Variants in AMMECR1 observed in about 807,000 individuals in gnomAD.
AMMECR1 encodes AMMECR nuclear protein 1, also known as nuclear protein AMMECR1.
AMMECR1 carries 3 observed loss-of-function variants against 22.5 expected under a neutral mutation model. The observed-to-expected ratio is 0.13, with a 90% CI of 0.06 to 0.35. The LOEUF (loss-of-function observed/expected upper bound fraction) is 0.35. Among genes scored for constraint, AMMECR1 ranks in the 10% least tolerant of loss-of-function variants. The pLI, the probability that AMMECR1 is intolerant of heterozygous loss-of-function variation, is 1.00. For missense variants in AMMECR1, 235 were observed against 278.7 expected, an observed-to-expected ratio of 0.84 and a Z score of 1.12; for synonymous variants, 130 against 116.7, an observed-to-expected ratio of 1.11 and a Z score of -0.74.
intron 2 of AMMECR1, among the ~76,000 whole-genome samples, chrX:110,252,022 C>T (rs1397767488): frequency 8.9e-6 from 1 of 111,903 alleles, no homozygotes; most frequent in Non-Finnish European, 1.9e-5. Flanking sequence ...GCATGTACTA[C>T]AATATAAATA....
chrX:110,352,891 A>C (rs1424735705), intron 2 of AMMECR1, among the ~76,000 whole-genome samples: 2 of 112,276 alleles, frequency 1.8e-5, no homozygotes, highest in African/African-American at 6.5e-5. Flanking sequence ...TATGTTAGCC[A>C]CTGGACCAAA....
intron 2 of AMMECR1, among the ~76,000 whole-genome samples, chrX:110,397,615 A>G (rs2068536627): frequency 9.0e-6 from 1 of 110,913 alleles, no homozygotes; most frequent in African/African-American, 3.3e-5. Context: ...ACTGCTGGGG[A>G]CACCACATGA....
At chrX:110,220,793 A>G (rs1185354383) in intron 2 of AMMECR1, among the ~76,000 whole-genome samples, 2 of 112,062 alleles carry the variant, frequency 1.8e-5, no homozygotes, top group African/African-American at 3.2e-5. Context: ...TTAATATATA[A>G]TGTTATATAG....
At chrX:110,416,962 T>A (rs906535178) in intron 2 of AMMECR1, among the ~76,000 whole-genome samples, 1 of 112,091 alleles carries the variant, frequency 8.9e-6, no homozygotes, top group Non-Finnish European at 1.9e-5. Flanking sequence ...TACTTCCAAT[T>A]TTCGGTTTTT....
chrX:110,426,027 G>T (rs2068751718), intron 2 of AMMECR1, among the ~76,000 whole-genome samples: 1 of 111,764 alleles, frequency 8.9e-6, no homozygotes, highest in African/African-American at 3.3e-5. Flanking sequence ...CACACATCCT[G>T]CATGGCCCTT....
chrX:110,339,809 A>G (rs189235988), intron 2 of AMMECR1, among the ~76,000 whole-genome samples: 66 of 112,023 alleles, frequency 5.9e-4, no homozygotes, highest in Non-Finnish European at 1.0e-3. Context: ...ACGTGATTTT[A>G]TAACTATATA....
rs145196024 is a variant in AMMECR1, at chrX:110,313,812, T to C, written c.473+3787A>G. Among the ~76,000 whole-genome samples, 16 of 111,614 alleles carry C rather than the reference T, an allele frequency of 1.4e-4. No homozygotes were observed. In the East Asian group the frequency reaches 4.5e-3, roughly 31 times the overall value. ...CGGCAGCACTCAATCTCCTGGGTGC[T>C]AGGTTAGAATGAACATGCTAAAGCA... On this transcript the variant is annotated intron_variant, in intron 1 of 5. Transcript: ENST00000262844.
At chrX:110,419,723 A>G (rs1378785924) in intron 2 of AMMECR1, among the ~76,000 whole-genome samples, 2 of 112,339 alleles carry the variant, frequency 1.8e-5, no homozygotes, top group African/African-American at 6.5e-5. Flanking sequence ...GTGTCATTCC[A>G]TAGGAAAAAA....
chrX:110,352,912 G>A (rs1031467120), intron 2 of AMMECR1, among the ~76,000 whole-genome samples: 1 of 111,698 alleles, frequency 9.0e-6, no homozygotes, highest in Non-Finnish European at 1.9e-5. Context: ...CAGAGAAGGT[G>A]GAAAAAAACT....
chrX:110,265,083 T>G (rs1324317161), intron 1 of AMMECR1, among the ~76,000 whole-genome samples: 1 of 111,846 alleles, frequency 8.9e-6, no homozygotes, highest in Non-Finnish European at 1.9e-5. Flanking sequence ...AAATACTTCC[T>G]GAAAATATAG....
chrX:110,388,762 CA>C (rs2068475123), intron 2 of AMMECR1, among the ~76,000 whole-genome samples: 1 of 111,658 alleles, frequency 9.0e-6, no homozygotes, highest in Non-Finnish European at 1.9e-5. Flanking sequence ...GCTCCTGGTC[CA>C]GGGACCACAC....
chrX:110,410,558 A>C (rs1384922572), intron 2 of AMMECR1, among the ~76,000 whole-genome samples: 1 of 111,988 alleles, frequency 8.9e-6, no homozygotes, highest in Non-Finnish European at 1.9e-5. Context: ...TTGTTGTCTC[A>C]AGTAGCCTGA....
At chrX:110,237,246 T>C (rs2067606414) in intron 2 of AMMECR1, among the ~76,000 whole-genome samples, 2 of 111,097 alleles carry the variant, frequency 1.8e-5, no homozygotes, top group Admixed American at 1.9e-4. Flanking sequence ...ACTCTTTAGA[T>C]GAACATGGGC....
intron 2 of AMMECR1, among the ~76,000 whole-genome samples, chrX:110,403,723 C>T (rs1336423126): frequency 1.8e-5 from 2 of 112,212 alleles, no homozygotes; most frequent in African/African-American, 3.2e-5. Context: ...GGCAGCGCAA[C>T]TTGAACTGAC....
At chrX:110,314,982 T>C (rs2068041481) in intron 1 of AMMECR1, among the ~76,000 whole-genome samples, 1 of 111,467 alleles carries the variant, frequency 9.0e-6, no homozygotes, top group Non-Finnish European at 1.9e-5. Context: ...TGCGTTTACG[T>C]ATGAGAAGTT....
At chrX:110,200,764 T>TC (rs2067393183) in intron 5 of AMMECR1, among the ~76,000 whole-genome samples, 190 bp downstream of exon 5, 1 of 112,117 alleles carries the variant, frequency 8.9e-6, no homozygotes, top group South Asian at 3.7e-4. Flanking sequence ...AAAGATAGGC[T>TC]CATACATCAC....
In AMMECR1 at chrX:110,196,415, T is replaced by G. The variant is rs920124894; in HGVS notation, c.*2105A>C. 1.9e-5 allele frequency: 2 copies of G among 107,162 alleles called. No homozygotes were observed. The highest frequency in any genetic ancestry group is 3.4e-5 in the African/African-American group (1 of 29,300). 8.8% of individuals were successfully genotyped at this position (107,162 alleles called of 1,213,427 possible). A position where few individuals can be genotyped will look rare whatever the true frequency, so the allele number is the denominator to read the frequency against. ...TTTTGTTTTGTTTTTTTTTTGTTTG[T>G]TTTTTTTTGCAGCAGACAATATCAT... On this transcript the variant is annotated 3_prime_UTR_variant, in exon 6 of 6. Coordinates refer to ENST00000262844, the MANE Select transcript of AMMECR1 (RefSeq NM_015365.3).
intron 3 of AMMECR1, among the ~76,000 whole-genome samples, chrX:110,215,075 A>G (rs2067466950): frequency 8.9e-6 from 1 of 112,453 alleles, no homozygotes; most frequent in South Asian, 3.6e-4. Flanking sequence ...ACAAACTTAT[A>G]GCAAATAATA....
intron 2 of AMMECR1, among the ~76,000 whole-genome samples, chrX:110,260,749 C>A (rs1262552054): frequency 9.0e-6 from 1 of 111,390 alleles, no homozygotes; most frequent in Non-Finnish European, 1.9e-5. Flanking sequence ...ATGTTCATCG[C>A]AGCATTATTC....
Sources: allele counts gnomAD v4.1 joint callset (sites outside exome capture counted in the v4.1 genomes callset), GRCh38; gene constraint gnomAD v4.1.1; transcripts MANE v1.5; gene names NCBI Gene and HGNC (gene_info 2026-07-23, HGNC 2026-07-21).